SLC1A5: variants seen among roughly 807,000 people sequenced by gnomAD.
SLC1A5 encodes the protein solute carrier family 1 member 5.
In SLC1A5, 25 loss-of-function variants were observed where a neutral mutation model predicts 34.9. The ratio of observed to expected loss-of-function variants is 0.72; its 90% CI spans 0.52 to 1.00. The LOEUF (loss-of-function observed/expected upper bound fraction) is 1.00, where lower values mean the gene tolerates loss of function less well. Ranked by LOEUF, SLC1A5 falls within the 50% of genes least tolerant of loss-of-function variation. The pLI is 0.00. For missense variants in SLC1A5, 637 were observed against 740.0 expected (o/e 0.86, Z 1.61); for synonymous variants, 351 against 341.2 (o/e 1.03, Z -0.32).
rs2122703818 is a variant in SLC1A5 at position 46,787,937 on chromosome 19, T to C, written c.29A>G (p.Lys10Arg). The C allele has an allele frequency of 6.3e-7, 1 of 1,576,368 alleles. No individual in the cohort carries two copies. The highest frequency in any genetic ancestry group is 8.6e-7 in the Non-Finnish European group (1 of 1,163,450). ...GGTGGGCTCCGCCGCTGCGAGCCCC[T>C]TGGAGTCTCGAGGAGGATCGGCCAC... MVADPPRDS[K>R]GLAAAEPTAN... is the part of the protein sequence containing the mutation. The change falls in exon 1 of 8, where the codon AAG becomes AGG. Residue 10 changes from lysine to arginine, a missense_variant. Transcript: ENST00000542575. The surrounding 1 kb of genome is among the most constrained non-coding windows in gnomAD (Gnocchi z 5.2).
intron 4 of SLC1A5, among the ~76,000 whole-genome samples, chr19:46,779,424 C>CA (rs761721702): frequency 0.29 from 18,625 of 64,254 alleles, 2,439 homozygotes; most frequent in African/African-American, 0.35. Context: ...AACTCCATCT[C>CA]AAAAAAAAAA....
Position 46,778,684 on chromosome 19 carries a change from G to T in SLC1A5, c.1049C>A (p.Thr350Asn), listed in dbSNP as rs147480374. 1.1e-5 allele frequency: 18 copies of T among 1,608,914 alleles called. No homozygotes were observed. The highest frequency in any genetic ancestry group is 1.5e-5 in the Non-Finnish European group (18 of 1,175,946). ...IVTPLATAFG[T>N]SSSSATLPLM... ...CACCCCAAGGCCGTACCTGGAAGAG[G>T]TCCCAAAGGCAGTGGCCAGCGGCGT... Residue 350 changes from threonine (T) to asparagine (N), a missense_variant, in exon 5 of 8, where the codon ACC becomes AAC. Coordinates refer to ENST00000542575, the MANE Select transcript of SLC1A5 (RefSeq NM_005628.3).
In SLC1A5 at chr19:46,788,313, G is replaced by A. The variant is rs3027952; in HGVS notation, c.-348C>T. On this transcript the variant is annotated 5_prime_UTR_variant, in exon 1 of 8. Transcript: ENST00000542575. ...GGCCCTTGGCTCCAGGAGGTTGAGTGCCCCCAGATGGCGGAGGTCTGCAGG... is the reference window on the plus strand; with the variant it reads ...GGCCCTTGGCTCCAGGAGGTTGAGTACCCCCAGATGGCGGAGGTCTGCAGG... 0.19 allele frequency: 48,191 copies of A among 250,854 alleles called. 5,655 individuals carry two copies. Among genetic ancestry groups the A allele is most frequent in the East Asian group, 0.45 (5,484 of 12,302 alleles). The allele number at this position is 250,854 out of a possible 1,614,324, so 15.5% of individuals were successfully genotyped here.
At chr19:46,784,939 C>G (rs1361326292) in intron 1 of SLC1A5, 1 of 1,179,540 alleles carries the variant, frequency 8.5e-7, no homozygotes, top group Non-Finnish European at 1.1e-6. Flanking sequence ...GGCCTGCCAG[C>G]GGCTCTGAGA....
chr19:46,785,931 T>C (rs188412502), intron 1 of SLC1A5, among the ~76,000 whole-genome samples: 1 of 151,868 alleles, frequency 6.6e-6, no homozygotes, highest in Admixed American at 6.6e-5. Context: ...AACACAAAAA[T>C]TATCCAGGCG....
chr19:46,782,733 G>A (rs537181406), intron 3 of SLC1A5, among the ~76,000 whole-genome samples, 184 bp from the exon 4 acceptor site: 220 of 152,272 alleles, frequency 1.4e-3, no homozygotes, highest in African/African-American at 5.0e-3. Flanking sequence ...CCCAGAGTAG[G>A]TGGGGCTGGA....
intron 5 of SLC1A5, 40 bp from the exon 6 acceptor site, chr19:46,777,445 A>G: frequency 1.3e-6 from 2 of 1,549,508 alleles, no homozygotes; most frequent in South Asian, 1.2e-5. Context: ...TAACCTGCTG[A>G]CCGGGGCTCC....
At chr19:46,776,369 C>A (rs2055089267) in intron 7 of SLC1A5, among the ~76,000 whole-genome samples, 1 of 151,766 alleles carries the variant, frequency 6.6e-6, no homozygotes, top group Non-Finnish European at 1.5e-5. Context: ...CCATACCCGG[C>A]TAATTTTTTT....
At chr19:46,783,656 G>A (rs1177925981) in intron 3 of SLC1A5, among the ~76,000 whole-genome samples, 1 of 152,054 alleles carries the variant, frequency 6.6e-6, no homozygotes, top group African/African-American at 2.4e-5. Context: ...AATTAGCCAG[G>A]TGTGTTATAG....
chr19:46,782,796 G>A lies in SLC1A5; in HGVS notation c.658-247C>T, dbSNP rs1022145890. Among the ~76,000 whole-genome samples, 5 of 152,198 alleles carry A rather than the reference G, an allele frequency of 3.3e-5. No homozygotes were observed. In the East Asian group the frequency reaches 9.6e-4, roughly 29 times the overall value. ...CCAAGAGAGGGCAGTGCCAGCTTGG[G>A]GAGTAGGGGGCAGTCAGGGGGGACT... On this transcript the variant is annotated intron_variant, in intron 3 of 7. Transcript: ENST00000542575.
intron 5 of SLC1A5, among the ~76,000 whole-genome samples, chr19:46,777,679 T>G (rs1206915046): frequency 2.6e-4 from 11 of 41,852 alleles, no homozygotes. Context: ...CCCACCCAGA[T>G]CCCGCCCATA....
Position 46,775,250 on chromosome 19 carries a change from T to C in SLC1A5, c.*260A>G, listed in dbSNP as rs1599726321. ...TCACGGTGGGGACGCAGCAGAACAT[T>C]ATTTCTCCATCTTGCTGTTTTCTAG... On this transcript the variant is annotated 3_prime_UTR_variant, in exon 8 of 8. Transcript: ENST00000542575. The C allele has an allele frequency of 8.3e-7, 1 of 1,200,384 alleles. No individual in the cohort carries two copies. The highest frequency in any genetic ancestry group is 4.2e-5 in the East Asian group (1 of 23,940). 74.4% of individuals were successfully genotyped at this position (1,200,384 alleles called of 1,614,324 possible).
rs754285826 is a variant in SLC1A5, at chr19:46,777,245, G to C, written c.1219C>G (p.Gln407Glu). The C allele has an allele frequency of 6.2e-6, 10 of 1,609,440 alleles. No individual in the cohort carries two copies. In the South Asian group the frequency reaches 1.1e-4, roughly 18 times the overall value. ...AAVFIAQLSQ[Q>E]SLDFVKIITI... ...ATGATCTTTACGAAGTCCAAGGACT[G>C]CTGGCTGAGCTGTGCAATGAACACT... The change falls in exon 6 of 8, where the codon CAG (glutamine) becomes GAG (glutamate). Residue 407 changes from glutamine to glutamate, a missense_variant. Gln to Glu is a conservative substitution (Grantham distance 29). Transcript: ENST00000542575.
chr19:46,782,840 C>A (rs1272436650), intron 3 of SLC1A5, among the ~76,000 whole-genome samples: 1 of 152,068 alleles, frequency 6.6e-6, no homozygotes, highest in Non-Finnish European at 1.5e-5. Context: ...GAAGGAGCAT[C>A]TGAGCTGAGA....
Position 46,782,380 on chromosome 19 carries a change from T to A in SLC1A5, c.824+3A>T. 3 of 448,200 alleles carry A rather than the reference T, an allele frequency of 6.7e-6. No homozygotes were observed. Among genetic ancestry groups the A allele is most frequent in the Non-Finnish European group, 6.6e-6 (2 of 301,240 alleles). The allele number at this position is 448,200 out of a possible 1,614,324, so 27.8% of individuals were successfully genotyped here. ...ACCCCCAGCCTCCTCTCCCACCACC[T>A]ACCACATGATCCAGGAGACCAGAAC... On this transcript the variant is annotated splice_donor_region_variant and intron_variant, in intron 4 of 7. Transcript: ENST00000542575.
intron 5 of SLC1A5, 25 bp from the exon 6 acceptor site, chr19:46,777,430 T>C: frequency 1.9e-6 from 3 of 1,581,414 alleles, no homozygotes; most frequent in South Asian, 1.2e-5. Context: ...GGAGCTGAGT[T>C]AGGTTAACCT....
In SLC1A5 at chr19:46,787,635, T is replaced by G. The variant is rs2055196401; in HGVS notation, c.331A>C (p.Ser111Arg). The part of the protein sequence containing the change: ...RMIILPLVVC[S>R]LIGGAASLDP... Reference sequence around the variant, plus strand: ...AGGCTGGCGGCGCCGCCGATCAAGCTGCACACCACCAGCGGCAAGATGATC... The same window carrying G: ...AGGCTGGCGGCGCCGCCGATCAAGCGGCACACCACCAGCGGCAAGATGATC... Residue 111 changes from serine (S) to arginine (R), a missense_variant, in exon 1 of 8, where the codon AGC becomes CGC. Transcript: ENST00000542575. The surrounding 1 kb of genome is among the most constrained non-coding windows in gnomAD (Gnocchi z 5.2). 1.9e-6 allele frequency: 3 copies of G among 1,579,938 alleles called. No homozygotes were observed. Among genetic ancestry groups the G allele is most frequent in the Non-Finnish European group, 2.6e-6 (3 of 1,166,300 alleles).
At chr19:46,784,764 T>C (rs1466652135) in intron 1 of SLC1A5, 1 of 1,456,150 alleles carries the variant, frequency 6.9e-7, no homozygotes, top group East Asian at 2.5e-5. Context: ...TCAGCCTCCT[T>C]CAGCCCCAAG....
At chr19:46,780,917 G>A (rs1343115981) in intron 4 of SLC1A5, among the ~76,000 whole-genome samples, 3 of 152,128 alleles carry the variant, frequency 2.0e-5, no homozygotes, top group Non-Finnish European at 2.9e-5. Context: ...ATTGCAGTGA[G>A]CTGAGACTGT....
Sources: allele counts gnomAD v4.1 joint callset (sites outside exome capture counted in the v4.1 genomes callset), GRCh38; gene constraint gnomAD v4.1.1; non-coding constraint Gnocchi (gnomAD v3.1); transcripts MANE v1.5; gene names NCBI Gene and HGNC (gene_info 2026-07-23, HGNC 2026-07-21).